CTBP2: variants seen among roughly 807,000 people sequenced by gnomAD.
CTBP2 encodes C-terminal binding protein 2.
In CTBP2, 30 loss-of-function variants were observed where a neutral mutation model predicts 80.3. The ratio of observed to expected loss-of-function variants is 0.37; its 90% CI spans 0.28 to 0.51. CTBP2 has a LOEUF of 0.51. Ranked by LOEUF, CTBP2 falls within the 20% of genes least tolerant of loss-of-function variation. The probability of loss-of-function intolerance (pLI) is 0.93; values close to 1 mark genes in which losing one functional copy is unlikely to be tolerated. For missense variants in CTBP2, 1,212 were observed against 1,375.3 expected, an observed-to-expected ratio of 0.88 and a Z score of 1.88; for synonymous variants, 594 against 587.4, an observed-to-expected ratio of 1.01 and a Z score of -0.16.
At chr10:125,099,755 C>A (rs1850316635) in intron 2 of CTBP2, among the ~76,000 whole-genome samples, 1 of 152,202 alleles carries the variant, frequency 6.6e-6, no homozygotes, top group South Asian at 2.1e-4. Flanking sequence ...TGTTCAGGTC[C>A]ACGGTCTCTT....
At chr10:125,023,169 T>C (rs923486664) in intron 1 of CTBP2, among the ~76,000 whole-genome samples, 15 of 152,112 alleles carry the variant, frequency 9.9e-5, no homozygotes, top group Middle Eastern at 3.2e-3. Context: ...CCTAAGCAAC[T>C]AGACAGGGGT....
chr10:125,029,776 T>C (rs141567631), upstream of CTBP2, among the ~76,000 whole-genome samples: 467 of 152,350 alleles, frequency 3.1e-3, 1 homozygote, highest in African/African-American at 0.011. Flanking sequence ...ACCAGCTTCT[T>C]TGCTATCTGG....
chr10:125,040,584 A>G (rs192721231), intron 2 of CTBP2, among the ~76,000 whole-genome samples: 13 of 136,120 alleles, frequency 9.6e-5, no homozygotes, highest in Admixed American at 5.5e-4. Flanking sequence ...TTTTAAGACC[A>G]CCACCACAAC....
At chr10:125,093,104 T>C (rs1202999848) in intron 2 of CTBP2, among the ~76,000 whole-genome samples, 2 of 152,372 alleles carry the variant, frequency 1.3e-5, no homozygotes, top group African/African-American at 2.4e-5. Flanking sequence ...TCATCTGCAC[T>C]GTCCAAAGCC....
intron 2 of CTBP2, among the ~76,000 whole-genome samples, chr10:125,051,547 G>T (rs1009943147): frequency 2.0e-5 from 3 of 152,056 alleles, no homozygotes; most frequent in Non-Finnish European, 2.9e-5. Context: ...GGCTGAGGCA[G>T]GAGAATTGCT....
chr10:125,137,659 T>C (rs993604626), intron 1 of CTBP2, among the ~76,000 whole-genome samples: 1 of 152,182 alleles, frequency 6.6e-6, no homozygotes. Context: ...TTACCTTACT[T>C]GGAAAGACAA....
At chr10:125,039,269 T>C (rs1022563178) in intron 2 of CTBP2, 114 bp from the exon 3 acceptor site, 5 of 478,290 alleles carry the variant, frequency 1.0e-5, no homozygotes, top group African/African-American at 7.9e-5. Context: ...TGCGGACACA[T>C]GGGACTTGCT....
chr10:125,057,393 G>A (rs1486086131), intron 2 of CTBP2, among the ~76,000 whole-genome samples: 1 of 152,176 alleles, frequency 6.6e-6, no homozygotes, highest in African/African-American at 2.4e-5. Flanking sequence ...CAATTGTCCT[G>A]TGACCAGCCC....
At chr10:125,108,555 G>A (rs756412783) in intron 2 of CTBP2, among the ~76,000 whole-genome samples, 1 of 152,228 alleles carries the variant, frequency 6.6e-6, no homozygotes, top group Non-Finnish European at 1.5e-5. Flanking sequence ...GCTGCATGTA[G>A]ACAGCAGGCA....
chr10:125,019,266 G>A (rs571973571), intron 1 of CTBP2, among the ~76,000 whole-genome samples: 6 of 152,232 alleles, frequency 3.9e-5, no homozygotes, highest in South Asian at 2.1e-4. Flanking sequence ...AATCACACTC[G>A]TTTCTACATC....
At chr10:125,092,176 C>CTT (rs71029238) in intron 2 of CTBP2, among the ~76,000 whole-genome samples, 877 of 87,004 alleles carry the variant, frequency 0.01, 10 homozygotes, top group East Asian at 0.019. Flanking sequence ...TCTGAAGATT[C>CTT]TTTTTTTTTT....
At chr10:124,990,469 C>G (rs1313505435) in intron 8 of CTBP2, among the ~76,000 whole-genome samples, 2 of 152,146 alleles carry the variant, frequency 1.3e-5, no homozygotes, top group Admixed American at 6.5e-5. Context: ...AAACACGGGG[C>G]CACTAATTTT....
chr10:125,024,977 G>A (rs551245763), intron 1 of CTBP2, among the ~76,000 whole-genome samples: 43 of 152,306 alleles, frequency 2.8e-4, no homozygotes, highest in African/African-American at 8.9e-4. Flanking sequence ...ATCTCTAGGA[G>A]GTAATATTAA....
At chr10:125,139,420 T>G (rs1857450115) in intron 1 of CTBP2, among the ~76,000 whole-genome samples, 1 of 151,630 alleles carries the variant, frequency 6.6e-6, no homozygotes, top group African/African-American at 2.4e-5. Flanking sequence ...ATTATAATTA[T>G]TCCACCAAAT....
chr10:125,127,057 C>G (rs1855402317), intron 1 of CTBP2, among the ~76,000 whole-genome samples: 1 of 152,158 alleles, frequency 6.6e-6, no homozygotes, highest in Non-Finnish European at 1.5e-5. Flanking sequence ...TCAAGGAGTT[C>G]AAACAAGAAA....
At chr10:125,007,568 CA>C (rs1955403813) in intron 1 of CTBP2, among the ~76,000 whole-genome samples, 2 of 152,242 alleles carry the variant, frequency 1.3e-5, no homozygotes, top group Non-Finnish European at 2.9e-5. Flanking sequence ...GAAAACGCTA[CA>C]TTTCATTGTG....
intron 2 of CTBP2, among the ~76,000 whole-genome samples, chr10:125,095,793 G>T (rs990922168): frequency 6.6e-6 from 1 of 152,202 alleles, no homozygotes; most frequent in African/African-American, 2.4e-5. Flanking sequence ...GTTTCTGTAG[G>T]AAGTAGTAGG....
chr10:125,157,363 C>A (rs1248312545), intron 1 of CTBP2, among the ~76,000 whole-genome samples: 2 of 122,972 alleles, frequency 1.6e-5, no homozygotes, highest in African/African-American at 6.5e-5. Context: ...TATTAAGGTA[C>A]AATTAGAGAG....
At chr10:125,125,882 T>G (rs985541487) in intron 1 of CTBP2, among the ~76,000 whole-genome samples, 2 of 152,180 alleles carry the variant, frequency 1.3e-5, no homozygotes, top group African/African-American at 4.8e-5. Context: ...TCAGAAGAAG[T>G]GTAAACAAGT....
Sources: allele counts gnomAD v4.1 joint callset (sites outside exome capture counted in the v4.1 genomes callset), GRCh38; gene constraint gnomAD v4.1.1; transcripts MANE v1.5; gene names NCBI Gene and HGNC (gene_info 2026-07-23, HGNC 2026-07-21).